The following MGRN1 variants were observed in gnomAD, a reference collection of about 807,000 sequenced individuals.
The protein encoded by MGRN1 is mahogunin ring finger 1.
MGRN1 carries 29 observed loss-of-function variants against 69.2 expected under a neutral mutation model. The ratio of observed to expected loss-of-function variants is 0.42; its 90% CI spans 0.31 to 0.57. The LOEUF is 0.57. Ranked by LOEUF, MGRN1 falls within the 20% of genes least tolerant of loss-of-function variation. The pLI, the probability that MGRN1 is intolerant of heterozygous loss-of-function variation, is 0.15. For synonymous variants in MGRN1, 470 were observed against 344.2 expected (o/e 1.37, Z -4.04); for missense variants, 998 against 796.2 (o/e 1.25, Z -3.05).
chr16:4,681,899 G>A (rs942919949), intron 13 of MGRN1, 123 bp downstream of exon 13: 53 of 991,554 alleles, frequency 5.3e-5, no homozygotes, highest in Non-Finnish European at 7.0e-5. Context: ...AGAAGGACTC[G>A]GAGACCCCGT....
intron 1 of MGRN1, among the ~76,000 whole-genome samples, chr16:4,630,454 T>A (rs1425793569): frequency 6.7e-6 from 1 of 148,232 alleles, no homozygotes; most frequent in Non-Finnish European, 1.5e-5. Flanking sequence ...GTTGTTGTTG[T>A]TGTTGGTTTT....
intron 16 of MGRN1, 54 bp from the exon 17 acceptor site, chr16:4,688,737 CGGGTG>C: frequency 6.7e-7 from 1 of 1,499,426 alleles, no homozygotes; most frequent in Non-Finnish European, 9.0e-7. Context: ...TCGGTAGGAG[CGGGTG>C]GCGTGGCACC....
At position 4,689,158 on chromosome 16, in the gene MGRN1, C is replaced by A; in HGVS notation, c.*250C>A. 1 of 500,082 alleles carries A rather than the reference C, an allele frequency of 2.0e-6. No individual in the cohort carries two copies. The highest frequency in any genetic ancestry group is 3.3e-6 in the Non-Finnish European group (1 of 302,482). The allele number at this position is 500,082 out of a possible 1,614,324, so 31.0% of individuals were successfully genotyped here. A position where few individuals can be genotyped will look rare whatever the true frequency, so the allele number is the denominator to read the frequency against. On this transcript the variant is annotated 3_prime_UTR_variant, in exon 17 of 17. Coordinates refer to ENST00000262370, the MANE Select transcript of MGRN1 (RefSeq NM_015246.4). Reference sequence around the variant, plus strand: ...CAGCTTTCCATCCCTAGTTCAGAGCCCCCGTTCCCCAGGGTCCTGTGGGCT... The same window carrying A: ...CAGCTTTCCATCCCTAGTTCAGAGCACCCGTTCCCCAGGGTCCTGTGGGCT...
At chr16:4,640,870 C>T (rs746717199) in intron 1 of MGRN1, among the ~76,000 whole-genome samples, 1 of 152,190 alleles carries the variant, frequency 6.6e-6, no homozygotes, top group African/African-American at 2.4e-5. Context: ...TCGGGGTGTG[C>T]GCCCCAGCTC....
rs202240467 is a variant in MGRN1 at position 4,635,739 on chromosome 16, ACT to A, written c.88+10695_88+10696del. Among the ~76,000 whole-genome samples, 44 of 144,492 alleles carry A rather than the reference ACT, an allele frequency of 3.0e-4. No individual in the cohort carries two copies. The East Asian group carries it at 8.5e-3, about 28-fold the overall frequency. 94.8% of individuals were successfully genotyped at this position (144,492 alleles called of 152,430 possible). A position where few individuals can be genotyped will look rare whatever the true frequency, so the allele number is the denominator to read the frequency against. On this transcript the variant is annotated intron_variant, in intron 1 of 16. Coordinates refer to ENST00000262370, the MANE Select transcript of MGRN1 (RefSeq NM_015246.4). ...AACCTCCACCTCCCAGGTTTAAGCGACTCTCCCGCCAAAGCCTCCCGAGTAGC... is the reference window on the plus strand; with the variant it reads ...AACCTCCACCTCCCAGGTTTAAGCGACTCCCGCCAAAGCCTCCCGAGTAGC...
At chr16:4,679,457 A>C (rs545042434) in intron 11 of MGRN1, among the ~76,000 whole-genome samples, 1 of 147,920 alleles carries the variant, frequency 6.8e-6, no homozygotes, top group Non-Finnish European at 1.5e-5. Context: ...GCTCCTCCTC[A>C]CCTGCCAGGT....
chr16:4,682,004 G>A (rs918443961), intron 13 of MGRN1, among the ~76,000 whole-genome samples: 4 of 151,726 alleles, frequency 2.6e-5, no homozygotes, highest in South Asian at 2.1e-4. Flanking sequence ...TTGATCCCCC[G>A]ACCAGGGCCA....
At position 4,652,658 on chromosome 16, in the gene MGRN1, C is replaced by T; in HGVS notation, c.297-20C>T. The T allele has an allele frequency of 6.3e-7, 1 of 1,594,742 alleles. No individual in the cohort carries two copies. The highest frequency in any genetic ancestry group is 8.6e-7 in the Non-Finnish European group (1 of 1,167,450). On this transcript the variant is annotated intron_variant, in intron 3 of 16. Coordinates refer to ENST00000262370, the MANE Select transcript of MGRN1 (RefSeq NM_015246.4). ...ATGGGGCCGCTGACCCGCTGCCTTT[C>T]TCTCCACCGCCTGGGGTAGGTACAA...
At chr16:4,648,312 C>A (rs1311629925) in intron 1 of MGRN1, among the ~76,000 whole-genome samples, 4 of 139,454 alleles carry the variant, frequency 2.9e-5, no homozygotes, top group Non-Finnish European at 6.1e-5. Context: ...CCCGCGGGCT[C>A]TTCCCGTGGT....
In MGRN1 at chr16:4,652,067, C is replaced by A. The variant is rs1280080172; in HGVS notation, c.296+16C>A. The A allele has an allele frequency of 1.2e-6, 2 of 1,611,520 alleles. No homozygotes were observed. Among genetic ancestry groups the A allele is most frequent in the South Asian group, 2.2e-5 (2 of 91,010 alleles). ...GGCTGGTGAGGTAACTTCACCCTGC[C>A]CCTGGGGACCCTGTGGCTCTGTGGG... On this transcript the variant is annotated intron_variant, in intron 3 of 16. Transcript: ENST00000262370.
At chr16:4,664,854 A>T (rs1256822364) in intron 6 of MGRN1, 79 bp downstream of exon 6, 1 of 1,559,314 alleles carries the variant, frequency 6.4e-7, no homozygotes, top group Non-Finnish European at 8.8e-7. Flanking sequence ...GAGTGCTTGC[A>T]GCAGTGATGA....
intron 16 of MGRN1, chr16:4,687,369 AC>A: frequency 1.1e-6 from 1 of 931,180 alleles, no homozygotes; most frequent in Non-Finnish European, 1.3e-6. Flanking sequence ...GAAAACATAG[AC>A]CCCCTCTCTA....
chr16:4,654,813 C>T (rs1286933638), intron 4 of MGRN1, among the ~76,000 whole-genome samples: 2 of 152,176 alleles, frequency 1.3e-5, no homozygotes, highest in Non-Finnish European at 2.9e-5. Context: ...TTCTTAGGGA[C>T]CTGCCACCAG....
At chr16:4,654,680 C>T (rs991595882) in intron 4 of MGRN1, among the ~76,000 whole-genome samples, 8 of 152,330 alleles carry the variant, frequency 5.3e-5, no homozygotes, top group East Asian at 1.9e-4. Context: ...GCTGGAAGTT[C>T]GGGTGGGTGG....
At chr16:4,674,016 G>T (rs946206344) in intron 10 of MGRN1, among the ~76,000 whole-genome samples, 1 of 152,158 alleles carries the variant, frequency 6.6e-6, no homozygotes, top group African/African-American at 2.4e-5. Flanking sequence ...AGACAGTTTC[G>T]TGCTGTCGCC....
chr16:4,674,633 T>C (rs1357465669), intron 10 of MGRN1, among the ~76,000 whole-genome samples: 3 of 108,166 alleles, frequency 2.8e-5, no homozygotes, highest in African/African-American at 6.8e-5. Flanking sequence ...TTTCTTTTTT[T>C]TTTTTTTTTT....
At position 4,661,407 on chromosome 16, in the gene MGRN1, C is replaced by G. The variant is rs112459255; in HGVS notation, c.562-3302C>G. Among the ~76,000 whole-genome samples the G allele has an allele frequency of 1.4e-4, 22 of 152,336 alleles. No individual in the cohort carries two copies. In the East Asian group the frequency reaches 4.0e-3, roughly 28 times the overall value. On this transcript the variant is annotated intron_variant, in intron 5 of 16. Coordinates refer to ENST00000262370, the MANE Select transcript of MGRN1 (RefSeq NM_015246.4). Reference sequence around the variant, plus strand: ...AGCCCTCTCCCGGAGGAGGCTGGGTCGGCTCCTGTTGCCTGGACACACAGG... The same window carrying G: ...AGCCCTCTCCCGGAGGAGGCTGGGTGGGCTCCTGTTGCCTGGACACACAGG...
At chr16:4,654,032 G>T (rs1234629706) in intron 4 of MGRN1, among the ~76,000 whole-genome samples, 1 of 152,152 alleles carries the variant, frequency 6.6e-6, no homozygotes, top group Non-Finnish European at 1.5e-5. Context: ...GATTACAGCC[G>T]TGAGCCCCCA....
chr16:4,637,676 C>G (rs1321250632), intron 1 of MGRN1, among the ~76,000 whole-genome samples: 2 of 152,216 alleles, frequency 1.3e-5, no homozygotes, highest in African/African-American at 4.8e-5. Flanking sequence ...CCAGCCTCAG[C>G]GCCATCCTGC....
Sources: gnomAD v4.1 joint callset for allele counts (sites outside exome capture counted in the v4.1 genomes callset) on GRCh38, gnomAD v4.1.1 for gene constraint, MANE v1.5 for transcripts, NCBI Gene and HGNC (gene_info 2026-07-23, HGNC 2026-07-21) for gene names.